Variants in STIM1 observed in about 807,000 individuals in gnomAD.
STIM1 encodes stromal interaction molecule 1.
STIM1 carries 25 observed loss-of-function variants against 74.7 expected under a neutral mutation model. The ratio of observed to expected loss-of-function variants is 0.33; its 90% CI spans 0.24 to 0.47. The LOEUF is 0.47. Among genes scored for constraint, STIM1 ranks in the 20% least tolerant of loss-of-function variants. The pLI, the probability that STIM1 is intolerant of heterozygous loss-of-function variation, is 1.00. For synonymous variants in STIM1, 328 were observed against 348.8 expected, an observed-to-expected ratio of 0.94 and a Z score of 0.66; for missense variants, 728 against 920.8, an observed-to-expected ratio of 0.79 and a Z score of 2.71.
At chr11:3,945,099 T>C (rs117089660) in intron 1 of STIM1, among the ~76,000 whole-genome samples, 2 of 152,304 alleles carry the variant, frequency 1.3e-5, no homozygotes, top group Non-Finnish European at 2.9e-5. Flanking sequence ...TTTGAATCCT[T>C]ACTTTTACAA....
At chr11:4,028,977 G>A (rs564392699) in intron 3 of STIM1, among the ~76,000 whole-genome samples, 1 of 152,006 alleles carries the variant, frequency 6.6e-6, no homozygotes, top group Non-Finnish European at 1.5e-5. Flanking sequence ...CATGAGGTCA[G>A]GAGTTCAAGA....
chr11:3,952,799 C>A (rs1449734601), intron 1 of STIM1, among the ~76,000 whole-genome samples: 2 of 152,200 alleles, frequency 1.3e-5, no homozygotes, highest in African/African-American at 4.8e-5. Context: ...CAGTCAGACA[C>A]TTTCAATTCA....
At chr11:3,860,642 G>A (rs1447563530) in intron 1 of STIM1, among the ~76,000 whole-genome samples, 1 of 152,152 alleles carries the variant, frequency 6.6e-6, no homozygotes, top group East Asian at 1.9e-4. Context: ...CAAAGGTTAC[G>A]AGATAGAAAC....
intron 1 of STIM1, among the ~76,000 whole-genome samples, chr11:3,955,025 A>G (rs1406659129): frequency 6.6e-6 from 1 of 152,266 alleles, no homozygotes; most frequent in Non-Finnish European, 1.5e-5. Flanking sequence ...TAGCCATTCA[A>G]TGGAATACTA....
At chr11:3,917,031 A>G (rs1424863849) in intron 1 of STIM1, among the ~76,000 whole-genome samples, 1 of 152,224 alleles carries the variant, frequency 6.6e-6, no homozygotes, top group Non-Finnish European at 1.5e-5. Flanking sequence ...ACTGATGTGC[A>G]TTTGATAGGT....
chr11:4,061,223 GA>G (rs779102458), intron 5 of STIM1, among the ~76,000 whole-genome samples: 229 of 152,336 alleles, frequency 1.5e-3, no homozygotes, highest in Non-Finnish European at 2.6e-3. Context: ...ATGGGAACCA[GA>G]ATGCTGGGGA....
intron 1 of STIM1, among the ~76,000 whole-genome samples, chr11:3,929,548 T>G (rs1028928937): frequency 6.6e-5 from 10 of 152,178 alleles, no homozygotes; most frequent in Admixed American, 6.5e-4. Flanking sequence ...GCTTTAGACT[T>G]GGGCTTATAA....
chr11:3,943,382 G>C (rs770371800), intron 1 of STIM1, among the ~76,000 whole-genome samples: 140 of 152,114 alleles, frequency 9.2e-4, no homozygotes, highest in Admixed American at 1.5e-3. Context: ...AGAGAAACTG[G>C]GTTGAAGTCC....
At chr11:4,049,715 AAC>A (rs748609546) in intron 3 of STIM1, 7,396 of 101,292 alleles carry the variant, frequency 0.073, 214 homozygotes, top group African/African-American at 0.1. Flanking sequence ...CCCCTGCCCA[AAC>A]ACACACACAC....
intron 1 of STIM1, among the ~76,000 whole-genome samples, chr11:3,927,777 T>C (rs544135825): frequency 6.6e-6 from 1 of 152,310 alleles, no homozygotes; most frequent in South Asian, 2.1e-4. Context: ...CAATCCCTGG[T>C]TTTTCACTTC....
intron 2 of STIM1, among the ~76,000 whole-genome samples, chr11:4,013,686 A>ATTTT (rs1219360236): frequency 4.1e-5 from 2 of 48,292 alleles, no homozygotes; most frequent in Non-Finnish European, 8.1e-5. Flanking sequence ...GGATTCATTG[A>ATTTT]TTTCTTTTTT....
intron 1 of STIM1, among the ~76,000 whole-genome samples, chr11:3,917,538 G>A (rs559636686): frequency 2.9e-4 from 44 of 150,696 alleles, no homozygotes; most frequent in Non-Finnish European, 6.2e-4. Context: ...GGGTTCAAAC[G>A]ATCCTCCCAC....
In STIM1 at chr11:3,860,307, T is replaced by G. The variant is rs565376994; in HGVS notation, c.139+3898T>G. Among the ~76,000 whole-genome samples, 4 of 152,356 alleles carry G rather than the reference T, an allele frequency of 2.6e-5. No homozygotes were observed. The East Asian group carries it at 5.8e-4, about 22-fold the overall frequency. On this transcript the variant is annotated intron_variant, in intron 1 of 12. Coordinates refer to ENST00000526596, the MANE Select transcript of STIM1 (RefSeq NM_001382567.1). ...TTAAACATTTTGTTTTATTAAATTC[T>G]TATTACCATCCTGTGTTATATTGTC... is the stretch of plus-strand genomic sequence containing the variant.
Position 3,895,714 on chromosome 11 carries a change from C to CT in STIM1, c.139+39308dup, listed in dbSNP as rs1565105167. Among the ~76,000 whole-genome samples, 256 of 31,112 alleles carry CT rather than the reference C, an allele frequency of 8.2e-3. 6 individuals are homozygous for CT. Among genetic ancestry groups the CT allele is most frequent in the African/African-American group, 0.019 (88 of 4,640 alleles). The allele number at this position is 31,112 out of a possible 152,430, so 20.4% of individuals were successfully genotyped here. On this transcript the variant is annotated intron_variant, in intron 1 of 12. Transcript: ENST00000526596. Reference sequence around the variant, plus strand: ...TCTTTCTTTCTTTCTTTCTTTCTTTCTTTCTTTCTTTCTTTCTTTCTTTTT... The same window carrying CT: ...TCTTTCTTTCTTTCTTTCTTTCTTTCTTTTCTTTCTTTCTTTCTTTCTTTTT...
chr11:3,920,522 T>C (rs2092704649), intron 1 of STIM1, among the ~76,000 whole-genome samples: 1 of 152,216 alleles, frequency 6.6e-6, no homozygotes, highest in African/African-American at 2.4e-5. Context: ...TGTGATACTT[T>C]TTTTGAAGTA....
intron 1 of STIM1, among the ~76,000 whole-genome samples, chr11:3,885,972 C>T (rs942402777): frequency 2.6e-5 from 4 of 152,138 alleles, no homozygotes; most frequent in African/African-American, 9.7e-5. Flanking sequence ...TGAGCATGAT[C>T]GTAGGCAAGG....
chr11:4,004,907 C>T (rs971202559), intron 2 of STIM1, among the ~76,000 whole-genome samples: 2 of 152,162 alleles, frequency 1.3e-5, no homozygotes, highest in Non-Finnish European at 1.5e-5. Context: ...ACAGCCCCAT[C>T]AAAAAGTGGG....
At chr11:4,052,282 AG>A (rs2094249326) in intron 3 of STIM1, among the ~76,000 whole-genome samples, 1 of 151,768 alleles carries the variant, frequency 6.6e-6, no homozygotes, top group Admixed American at 6.6e-5. Context: ...GAACCAAAAA[AG>A]AGCCTAAGCC....
rs201180009 is a variant in STIM1, at chr11:3,895,737, TTTCTTTCTTC to T, written c.139+39329_139+39338del. Among the ~76,000 whole-genome samples the T allele has an allele frequency of 9.3e-3, 277 of 29,898 alleles. 5 individuals carry two copies. The highest frequency in any genetic ancestry group is 0.019 in the South Asian group (14 of 730). 19.6% of individuals were successfully genotyped at this position (29,898 alleles called of 152,430 possible). On this transcript the variant is annotated intron_variant, in intron 1 of 12. Coordinates refer to ENST00000526596, the MANE Select transcript of STIM1 (RefSeq NM_001382567.1). ...TTCTTTCTTTCTTTCTTTCTTTCTTTTTCTTTCTTCCTTCCTTCCTTCCTTCCTTCCTTCC... is the reference window on the plus strand; with the variant it reads ...TTCTTTCTTTCTTTCTTTCTTTCTTTCTTCCTTCCTTCCTTCCTTCCTTCC...
Sources: allele counts gnomAD v4.1 joint callset (sites outside exome capture counted in the v4.1 genomes callset), GRCh38; gene constraint gnomAD v4.1.1; transcripts MANE v1.5; gene names NCBI Gene and HGNC (gene_info 2026-07-23, HGNC 2026-07-21).